The following C2orf78 variants were observed in gnomAD, a reference collection of about 807,000 sequenced individuals.
C2orf78 encodes uncharacterized protein C2orf78.
A neutral mutation model predicts 21.4 loss-of-function variants in C2orf78; 12 were observed. The ratio of observed to expected loss-of-function variants is 0.56; its 90% CI spans 0.36 to 0.91. C2orf78 has a LOEUF of 0.91. Ranked by LOEUF, C2orf78 falls within the 40% of genes least tolerant of loss-of-function variation. The pLI, the probability that C2orf78 is intolerant of heterozygous loss-of-function variation, is 0.01. For synonymous variants in C2orf78, 396 were observed against 413.9 expected, an observed-to-expected ratio of 0.96 and a Z score of 0.52; for missense variants, 1,042 against 1,092.4, an observed-to-expected ratio of 0.95 and a Z score of 0.65.
chr2:73,784,645 T>C (rs951710676), intron 1 of C2orf78, among the ~76,000 whole-genome samples: 2 of 151,276 alleles, frequency 1.3e-5, no homozygotes, highest in African/African-American at 4.9e-5. Context: ...AGACTGGTTA[T>C]TCCCCCTGGC....
chr2:73,814,366 A>G (rs1457458065), intron 2 of C2orf78, 140 bp downstream of exon 2: 1 of 925,524 alleles, frequency 1.1e-6, no homozygotes, highest in Non-Finnish European at 1.6e-6. Flanking sequence ...AGTGCTCTCC[A>G]TTTTCAGACT....
intron 1 of C2orf78, among the ~76,000 whole-genome samples, chr2:73,785,856 G>A (rs1227351654): frequency 1.3e-5 from 2 of 151,904 alleles, no homozygotes; most frequent in African/African-American, 4.8e-5. Flanking sequence ...AGACAAGCCT[G>A]ACCAACAAGG....
chr2:73,809,174 C>T (rs1482221714), intron 1 of C2orf78, among the ~76,000 whole-genome samples: 1 of 151,978 alleles, frequency 6.6e-6, no homozygotes, highest in East Asian at 1.9e-4. Flanking sequence ...AATACTGAGT[C>T]TTAAAGGGTA....
chr2:73,813,719 A>C, exon 2 of C2orf78: 3 of 1,614,036 alleles, frequency 1.9e-6, no homozygotes, highest in Non-Finnish European at 2.5e-6. Context: ...TACTGGCCAG[A>C]GCCATATCTG....
intron 1 of C2orf78, among the ~76,000 whole-genome samples, chr2:73,810,435 G>A (rs1179681882): frequency 6.6e-5 from 10 of 151,288 alleles, no homozygotes; most frequent in African/African-American, 2.4e-4. Flanking sequence ...GCTGAGGCAG[G>A]AGAATCGTTT....
chr2:73,811,674 C>A (rs574002315), intron 1 of C2orf78, among the ~76,000 whole-genome samples: 14 of 152,226 alleles, frequency 9.2e-5, no homozygotes, highest in South Asian at 6.2e-4. Flanking sequence ...TTTGAACTTT[C>A]CTACATTCAA....
chr2:73,813,906 C>A lies in C2orf78; in HGVS notation c.527C>A (p.Pro176His), dbSNP rs754206750. The A allele has an allele frequency of 1.1e-5, 17 of 1,613,906 alleles. No homozygotes were observed. The Admixed American group carries it at 2.3e-4, about 22-fold the overall frequency. ...ACTTCAGATACCAATACTATGGTCCCTCTGTATCCATCACTATCTGCCAGC... is the reference window on the plus strand; with the variant it reads ...ACTTCAGATACCAATACTATGGTCCATCTGTATCCATCACTATCTGCCAGC... Residue 176 changes from proline to histidine, a missense_variant, in exon 2 of 3, where the codon CCT becomes CAT. Pro to His is a moderately conservative substitution (Grantham distance 77, BLOSUM62 -2). This residue lies in a region of C2orf78 where 1,039 missense variants were observed against 1,069.7 expected (regional missense o/e 0.97). Transcript: ENST00000409561.
exon 3 of C2orf78, chr2:73,815,597 T>C: frequency 6.2e-7 from 1 of 1,613,964 alleles, no homozygotes; most frequent in Non-Finnish European, 8.5e-7. Flanking sequence ...CGATCTTCAG[T>C]TCCTTACAAG....
rs1415635569 is a variant in C2orf78 at position 73,814,181 on chromosome 2, T to C, written c.802T>C (p.Tyr268His). ...ACCACCAGTCTCTACTTCTGGGATGTATTACTCTGTGTCTTCTCAACCCAT... is the reference window on the plus strand; with the variant it reads ...ACCACCAGTCTCTACTTCTGGGATGCATTACTCTGTGTCTTCTCAACCCAT... Residue 268 changes from tyrosine (Y) to histidine (H), a missense_variant, in exon 2 of 3, where the codon TAT becomes CAT. Physicochemically the swap from Tyr to His is moderately conservative, Grantham distance 83. Around this residue, in one of 2 missense-constraint regions of C2orf78, gnomAD observed 1,039 missense variants for 1,069.7 expected, o/e 0.97. Coordinates refer to ENST00000409561, the Ensembl canonical transcript of C2orf78. 1.9e-6 allele frequency: 3 copies of C among 1,600,014 alleles called. No homozygotes were observed. The Admixed American group carries it at 5.0e-5, about 27-fold the overall frequency.
intron 2 of C2orf78, among the ~76,000 whole-genome samples, 195 bp from the exon 3 acceptor site, chr2:73,814,876 A>C (rs1432501227): frequency 6.6e-6 from 1 of 152,220 alleles, no homozygotes; most frequent in Non-Finnish European, 1.5e-5. Flanking sequence ...AAAACCAAGA[A>C]ACAATCACAT....
rs189895623 is a variant in C2orf78 at position 73,813,088 on chromosome 2, T to C, written c.98-389T>C. On this transcript the variant is annotated intron_variant, in intron 1 of 2. Coordinates refer to ENST00000409561, the Ensembl canonical transcript of C2orf78. ...AGGTCAATCTGACCTCTCAGACTCATAAAATGAAATGTTAGAACTTCTCTA... is the reference window on the plus strand; with the variant it reads ...AGGTCAATCTGACCTCTCAGACTCACAAAATGAAATGTTAGAACTTCTCTA... Among the ~76,000 whole-genome samples the C allele has an allele frequency of 2.6e-3, 396 of 152,276 alleles. 7 individuals carry two copies. Among genetic ancestry groups the C allele is most frequent in the Non-Finnish European group, 1.2e-3 (80 of 68,014 alleles).
At chr2:73,810,794 A>ATG (rs1478509723) in intron 1 of C2orf78, among the ~76,000 whole-genome samples, 1 of 95,090 alleles carries the variant, frequency 1.1e-5, no homozygotes, top group Non-Finnish European at 2.1e-5. Context: ...TGTATATTTT[A>ATG]TATATATAAT....
At chr2:73,817,070 A>C in exon 3 of C2orf78, 1 of 1,362,258 alleles carries the variant, frequency 7.3e-7, no homozygotes, top group South Asian at 1.8e-5. Flanking sequence ...ATTTATTCTG[A>C]TATATTTTTA....
chr2:73,807,941 A>T (rs1166111052), intron 1 of C2orf78, among the ~76,000 whole-genome samples: 1 of 150,952 alleles, frequency 6.6e-6, no homozygotes, highest in Non-Finnish European at 1.5e-5. Context: ...GGGTTCTTTA[A>T]TCTCTTCCTT....
intron 1 of C2orf78, among the ~76,000 whole-genome samples, chr2:73,811,586 T>A (rs1673090269): frequency 6.6e-6 from 1 of 152,188 alleles, no homozygotes; most frequent in South Asian, 2.1e-4. Context: ...CTTTTAGACC[T>A]AAGAATAAAA....
chr2:73,816,346 C>G (rs766991289), exon 3 of C2orf78: 1 of 1,613,880 alleles, frequency 6.2e-7, no homozygotes, highest in South Asian at 1.1e-5. Flanking sequence ...CCATCCCACT[C>G]TGAGTTGCCA....
exon 3 of C2orf78, chr2:73,816,916 C>T (rs1673215032): frequency 1.2e-6 from 2 of 1,613,258 alleles, no homozygotes; most frequent in Non-Finnish European, 1.7e-6. Flanking sequence ...AAATACACCT[C>T]TTTGGGGAAA....
exon 3 of C2orf78, chr2:73,816,699 G>A (rs1192057679): frequency 4.3e-6 from 7 of 1,613,878 alleles, no homozygotes; most frequent in Non-Finnish European, 5.9e-6. Flanking sequence ...TCTGCAGCGG[G>A]AGCCTGTTTC....
Position 73,785,636 on chromosome 2 carries a change from C to A in C2orf78, c.97+1230C>A, listed in dbSNP as rs1021487264. Among the ~76,000 whole-genome samples, 9 of 152,112 alleles carry A rather than the reference C, an allele frequency of 5.9e-5. No homozygotes were observed. In the Middle Eastern group the frequency reaches 0.01, roughly 172 times the overall value. ...ATCAATGGACGAGGAAGGAAACAGG[C>A]TACATTACATATCCCTAGGAAAAGC... On this transcript the variant is annotated intron_variant, in intron 1 of 2. Transcript: ENST00000409561.
Sources: gnomAD v4.1 joint callset for allele counts (sites outside exome capture counted in the v4.1 genomes callset) on GRCh38, gnomAD v4.1.1 for gene constraint, gnomAD v4.1.1 regional missense constraint, MANE v1.5 for transcripts, NCBI Gene and HGNC (gene_info 2026-07-23, HGNC 2026-07-21) for gene names.